The following RARB variants were observed in gnomAD, a reference collection of about 807,000 sequenced individuals.
RARB encodes the protein HBV-activated protein.
Under a neutral mutation model 51.9 loss-of-function variants are expected in RARB, and 17 were observed. The observed-to-expected ratio is 0.33, with a 90% confidence interval of 0.22 to 0.49. The LOEUF (loss-of-function observed/expected upper bound fraction) is 0.49, where lower values mean the gene tolerates loss of function less well. RARB is among the 20% of genes least tolerant of loss of function. RARB has a pLI of 0.99. For synonymous variants in RARB, 215 were observed against 195.4 expected, an observed-to-expected ratio of 1.10 and a Z score of -0.84; for missense variants, 369 against 550.8, an observed-to-expected ratio of 0.67 and a Z score of 3.30.
intron 1 of RARB, among the ~76,000 whole-genome samples, chr3:25,436,497 G>A (rs1708440950): frequency 6.6e-6 from 1 of 152,182 alleles, no homozygotes; most frequent in Non-Finnish European, 1.5e-5. Flanking sequence ...AAATGAATGT[G>A]CTTAGAGATT....
chr3:24,969,069 T>C (rs1267534840), intron 2 of RARB, among the ~76,000 whole-genome samples: 2 of 152,140 alleles, frequency 1.3e-5, no homozygotes, highest in Non-Finnish European at 2.9e-5. Context: ...GTAATTCTGA[T>C]ACAATATTCA....
intron 5 of RARB, among the ~76,000 whole-genome samples, chr3:25,209,944 A>G (rs1037085434): frequency 1.3e-5 from 2 of 152,148 alleles, no homozygotes; most frequent in Non-Finnish European, 2.9e-5. Context: ...AAAACTAAAC[A>G]TTCTTAATAA....
Position 25,378,118 on chromosome 3 carries a change from C to T in RARB, c.179-83075C>T, listed in dbSNP as rs1452478418. Among the ~76,000 whole-genome samples the T allele has an allele frequency of 2.0e-5, 3 of 152,178 alleles. No individual in the cohort carries two copies. The East Asian group carries it at 5.8e-4, about 29-fold the overall frequency. On this transcript the variant is annotated intron_variant, in intron 5 of 11. Transcript: ENST00000383772. The stretch of plus-strand genomic sequence containing the variant: ...ACAGCTGCAAAGCATTTGATCTTAA[C>T]AATGACAATTAAAATGAACCTTATT...
At chr3:25,330,145 A>G (rs1453268233) in intron 5 of RARB, among the ~76,000 whole-genome samples, 1 of 152,124 alleles carries the variant, frequency 6.6e-6, no homozygotes, top group East Asian at 1.9e-4. Flanking sequence ...CCAACATTCC[A>G]ATTCAGGAAA....
chr3:24,982,822 A>G lies in RARB; in HGVS notation c.-379-77303A>G, dbSNP rs532553148. Among the ~76,000 whole-genome samples the G allele has an allele frequency of 2.0e-5, 3 of 152,314 alleles. No homozygotes were observed. The East Asian group carries it at 5.8e-4, about 29-fold the overall frequency. ...GGCATCATAATTATTGGAGAACTCC[A>G]GAAGCATTTAGTCAAGGGAAGTTGA... On this transcript the variant is annotated intron_variant, in intron 2 of 11. Coordinates refer to the RARB transcript ENST00000383772.
At chr3:25,571,298 A>G (rs745399521) in intron 4 of RARB, among the ~76,000 whole-genome samples, 2 of 152,234 alleles carry the variant, frequency 1.3e-5, no homozygotes, top group Non-Finnish European at 2.9e-5. Flanking sequence ...GTTACAGTGC[A>G]GGTTCTGGTG....
intron 2 of RARB, among the ~76,000 whole-genome samples, chr3:24,912,348 T>G (rs1255391342): frequency 1.3e-5 from 2 of 152,210 alleles, no homozygotes; most frequent in Non-Finnish European, 2.9e-5. Context: ...TACCCGTTTC[T>G]TCGTATTGTT....
chr3:25,460,821 G>A (rs917704752), intron 1 of RARB, among the ~76,000 whole-genome samples: 1 of 152,198 alleles, frequency 6.6e-6, no homozygotes, highest in Admixed American at 6.5e-5. Context: ...GGGGTTTGTA[G>A]TATGACTATC....
chr3:24,979,939 C>T (rs1206233973), intron 2 of RARB, among the ~76,000 whole-genome samples: 1 of 152,124 alleles, frequency 6.6e-6, no homozygotes, highest in African/African-American at 2.4e-5. Flanking sequence ...ATGCTTCCTT[C>T]AGGAGCTCTT....
intron 2 of RARB, among the ~76,000 whole-genome samples, chr3:24,922,687 G>T (rs1399569416): frequency 6.6e-6 from 1 of 152,052 alleles, no homozygotes; most frequent in Non-Finnish European, 1.5e-5. Context: ...TCAGCCCAGA[G>T]GTTGATCAAG....
intron 2 of RARB, among the ~76,000 whole-genome samples, chr3:24,917,338 G>A (rs191846391): frequency 6.6e-6 from 1 of 152,118 alleles, no homozygotes; most frequent in Admixed American, 6.5e-5. Context: ...CTTAAAAAAT[G>A]TATGTTTCAA....
At chr3:25,297,580 A>G (rs1703946220) in intron 5 of RARB, among the ~76,000 whole-genome samples, 1 of 152,030 alleles carries the variant, frequency 6.6e-6, no homozygotes, top group South Asian at 2.1e-4. Flanking sequence ...TCAAAAACCT[A>G]ATTCATAAAG....
At chr3:25,588,210 A>G (rs1254301200) in intron 5 of RARB, among the ~76,000 whole-genome samples, 2 of 152,252 alleles carry the variant, frequency 1.3e-5, no homozygotes, top group Non-Finnish European at 2.9e-5. Context: ...GTACACTCAT[A>G]TGGGTGAATC....
intron 3 of RARB, among the ~76,000 whole-genome samples, chr3:25,120,118 T>C (rs1699759258): frequency 6.6e-6 from 1 of 152,150 alleles, no homozygotes; most frequent in Non-Finnish European, 1.5e-5. Context: ...GAAGGACTTG[T>C]GGTCTCAATC....
chr3:25,281,428 C>G (rs1703519523), intron 5 of RARB, among the ~76,000 whole-genome samples: 1 of 152,168 alleles, frequency 6.6e-6, no homozygotes, highest in Non-Finnish European at 1.5e-5. Context: ...TCCCTGTAAT[C>G]CATTTAGCAA....
chr3:25,198,340 A>G (rs1701298213), intron 5 of RARB, among the ~76,000 whole-genome samples: 1 of 151,892 alleles, frequency 6.6e-6, no homozygotes, highest in South Asian at 2.1e-4. Context: ...ATATTGGGGA[A>G]ACCCTGCAGG....
At chr3:25,199,449 A>G (rs1480403549) in intron 5 of RARB, among the ~76,000 whole-genome samples, 4 of 152,000 alleles carry the variant, frequency 2.6e-5, no homozygotes, top group Admixed American at 2.6e-4. Flanking sequence ...TAAGAGTATA[A>G]TTGGAATTTT....
chr3:24,998,308 C>T (rs1473471378), intron 2 of RARB, among the ~76,000 whole-genome samples: 2 of 149,448 alleles, frequency 1.3e-5, no homozygotes, highest in African/African-American at 4.9e-5. Context: ...GTCCTCTGCA[C>T]CCTGGGGCCC....
chr3:25,131,409 GT>G (rs1699951955), intron 3 of RARB, among the ~76,000 whole-genome samples: 1 of 151,944 alleles, frequency 6.6e-6, no homozygotes, highest in Non-Finnish European at 1.5e-5. Context: ...GCAAAGCCTT[GT>G]TTCTTTTTAA....
Sources: gnomAD v4.1 joint callset for allele counts (sites outside exome capture counted in the v4.1 genomes callset) on GRCh38, gnomAD v4.1.1 for gene constraint, MANE v1.5 for transcripts, NCBI Gene and HGNC (gene_info 2026-07-23, HGNC 2026-07-21) for gene names.